Variants in AGBL4 observed in about 807,000 individuals in gnomAD.
AGBL4 encodes cytosolic carboxypeptidase 6.
A neutral mutation model predicts 66.4 loss-of-function variants in AGBL4; 58 were observed. The observed-to-expected ratio is 0.87, with a 90% CI of 0.71 to 1.09. The LOEUF is 1.09. Among genes scored for constraint, AGBL4 ranks in the 50% least tolerant of loss-of-function variants. AGBL4 has a pLI of 0.00. For missense variants in AGBL4, 579 were observed against 631.0 expected (o/e 0.92, Z 0.88); for synonymous variants, 234 against 222.9 (o/e 1.05, Z -0.44).
chr1:49,401,489 C>T (rs1335045785), intron 3 of AGBL4, among the ~76,000 whole-genome samples: 1 of 152,100 alleles, frequency 6.6e-6, no homozygotes, highest in Non-Finnish European at 1.5e-5. Flanking sequence ...CATGTTGAAC[C>T]ATCTTTGTAT....
At chr1:48,699,726 A>T (rs1194872835) in intron 6 of AGBL4, among the ~76,000 whole-genome samples, 3 of 152,166 alleles carry the variant, frequency 2.0e-5, no homozygotes, top group African/African-American at 7.2e-5. Context: ...AGTTGTCCAC[A>T]AAGGGTGAAG....
At chr1:49,439,931 C>T (rs1645988633) in intron 3 of AGBL4, among the ~76,000 whole-genome samples, 1 of 152,014 alleles carries the variant, frequency 6.6e-6, no homozygotes, top group Admixed American at 6.6e-5. Context: ...CTCTAGAGAA[C>T]CCTGAGCAAT....
intron 2 of AGBL4, among the ~76,000 whole-genome samples, chr1:49,806,413 T>C (rs1644978394): frequency 6.6e-6 from 1 of 152,222 alleles, no homozygotes; most frequent in Non-Finnish European, 1.5e-5. Flanking sequence ...TTGTGAATAC[T>C]GAAATACAAC....
At chr1:49,326,007 G>A (rs927539819) in intron 3 of AGBL4, among the ~76,000 whole-genome samples, 19 of 152,204 alleles carry the variant, frequency 1.2e-4, no homozygotes, top group African/African-American at 3.1e-4. Context: ...ATGCAGAACC[G>A]TGAGCCAATT....
chr1:48,776,957 C>T (rs1380311845), intron 6 of AGBL4: 2 of 512,236 alleles, frequency 3.9e-6, no homozygotes, highest in African/African-American at 2.1e-5. Flanking sequence ...CTCCCCAGGA[C>T]CCAGGCTCCC....
intron 3 of AGBL4, among the ~76,000 whole-genome samples, chr1:49,555,108 C>G (rs1653315047): frequency 6.6e-6 from 1 of 152,274 alleles, no homozygotes; most frequent in South Asian, 2.1e-4. Flanking sequence ...TTATCTGACC[C>G]CACTCACATC....
At chr1:49,445,141 T>C (rs1041250472) in intron 3 of AGBL4, among the ~76,000 whole-genome samples, 1 of 152,162 alleles carries the variant, frequency 6.6e-6, no homozygotes, top group East Asian at 1.9e-4. Flanking sequence ...TTTGTAATTA[T>C]GGCTGACAGT....
At chr1:48,653,204 G>C (rs1170887079) in intron 8 of AGBL4, 133 bp downstream of exon 8, 2 of 656,332 alleles carry the variant, frequency 3.0e-6, no homozygotes, top group African/African-American at 3.7e-5. Context: ...CAAGAGCCAG[G>C]GTGAAACTTT....
intron 4 of AGBL4, among the ~76,000 whole-genome samples, chr1:49,229,384 G>T (rs1248302916): frequency 6.6e-6 from 1 of 152,168 alleles, no homozygotes; most frequent in Non-Finnish European, 1.5e-5. Flanking sequence ...AAAGAGTAAG[G>T]AAGGAAAGAA....
At chr1:48,643,702 G>A (rs551895863) in intron 8 of AGBL4, among the ~76,000 whole-genome samples, 1 of 152,298 alleles carries the variant, frequency 6.6e-6, no homozygotes, top group Admixed American at 6.5e-5. Context: ...GAAAAGAATG[G>A]GTCTTCTTCT....
chr1:49,557,628 C>T (rs930584656), intron 3 of AGBL4, among the ~76,000 whole-genome samples: 1 of 152,118 alleles, frequency 6.6e-6, no homozygotes, highest in African/African-American at 2.4e-5. Context: ...GTGGTCTCAA[C>T]TTGAGTTCCT....
At chr1:48,626,413 T>C (rs769803005) in intron 9 of AGBL4, among the ~76,000 whole-genome samples, 2 of 152,250 alleles carry the variant, frequency 1.3e-5, no homozygotes, top group African/African-American at 2.4e-5. Flanking sequence ...CTAACGTTTA[T>C]GGAGTATCTG....
At chr1:49,463,649 G>A (rs1164796951) in intron 3 of AGBL4, among the ~76,000 whole-genome samples, 3 of 151,732 alleles carry the variant, frequency 2.0e-5, no homozygotes, top group African/African-American at 7.3e-5. Flanking sequence ...GAGATGGGGA[G>A]TAATTAAGCT....
At chr1:49,621,728 G>A (rs1645363392) in intron 3 of AGBL4, among the ~76,000 whole-genome samples, 1 of 152,136 alleles carries the variant, frequency 6.6e-6, no homozygotes, top group Non-Finnish European at 1.5e-5. Flanking sequence ...GTTGCCCCCA[G>A]GTTTCTAGGG....
intron 1 of AGBL4, among the ~76,000 whole-genome samples, chr1:49,927,640 G>A (rs749441824): frequency 1.1e-4 from 16 of 150,674 alleles, no homozygotes; most frequent in South Asian, 2.1e-4. Flanking sequence ...GAGCCAAACC[G>A]TATCACAGTT....
chr1:49,187,993 A>G (rs538830852), intron 4 of AGBL4, among the ~76,000 whole-genome samples: 2 of 152,112 alleles, frequency 1.3e-5, no homozygotes, highest in Non-Finnish European at 2.9e-5. Flanking sequence ...TGATGGTTTT[A>G]AAAACAGGAG....
intron 2 of AGBL4, among the ~76,000 whole-genome samples, chr1:49,849,585 AT>A (rs1178199234): frequency 6.6e-6 from 1 of 151,952 alleles, no homozygotes; most frequent in East Asian, 1.9e-4. Flanking sequence ...TCAAGCCAAG[AT>A]TTGAACCACA....
intron 6 of AGBL4, among the ~76,000 whole-genome samples, chr1:48,840,596 T>C (rs935148336): frequency 2.0e-5 from 3 of 152,132 alleles, no homozygotes; most frequent in African/African-American, 7.2e-5. Context: ...CCAATTAGAC[T>C]GGTGAGAATA....
intron 5 of AGBL4, among the ~76,000 whole-genome samples, chr1:48,911,042 T>C (rs17105136): frequency 0.097 from 14,746 of 152,156 alleles, 1,047 homozygotes; most frequent in African/African-American, 0.18. Context: ...TTTTGATCAG[T>C]TTTGTGTGAC....
Sources: allele counts gnomAD v4.1 joint callset (sites outside exome capture counted in the v4.1 genomes callset), GRCh38; gene constraint gnomAD v4.1.1; transcripts MANE v1.5; gene names NCBI Gene and HGNC (gene_info 2026-07-23, HGNC 2026-07-21).